Variants in FRS3 observed in about 807,000 individuals in gnomAD.
FRS3 encodes fibroblast growth factor receptor substrate 3, also known as FGFR substrate 3.
A neutral mutation model predicts 41.9 loss-of-function variants in FRS3; 17 were observed. The observed-to-expected ratio is 0.41, with a 90% confidence interval of 0.28 to 0.61. The LOEUF (loss-of-function observed/expected upper bound fraction) is 0.61, where lower values mean the gene tolerates loss of function less well. FRS3 is among the 20% of genes least tolerant of loss of function. FRS3 has a pLI of 0.36. For synonymous variants in FRS3, 287 were observed against 274.5 expected, an observed-to-expected ratio of 1.05 and a Z score of -0.45; for missense variants, 619 against 672.1, an observed-to-expected ratio of 0.92 and a Z score of 0.87.
At chr6:41,774,686 G>A (rs1353210503) in intron 4 of FRS3, among the ~76,000 whole-genome samples, 3 of 152,168 alleles carry the variant, frequency 2.0e-5, no homozygotes, top group Admixed American at 6.5e-5. Flanking sequence ...GTAACAGGGG[G>A]ACCTGGGACC....
intron 5 of FRS3, 53 bp downstream of exon 5, chr6:41,772,745 C>CGTGTGGGTGT: frequency 2.6e-6 from 3 of 1,162,766 alleles, no homozygotes; most frequent in Non-Finnish European, 3.6e-6. Flanking sequence ...GCTTCCTGGG[C>CGTGTGGGTGT]GTGTGTGTGT....
Position 41,771,535 on chromosome 6 carries a change from TG to T in FRS3, c.565-3del. On this transcript the variant is annotated splice_polypyrimidine_tract_variant and splice_region_variant and intron_variant, in intron 6 of 6. Transcript: ENST00000373018. ...CGGTGTGTTGACATAGGTGTGGGAC[TG>T]GGGAAAGAGTCCAAGTGAGGCAGGA... 2 of 1,524,212 alleles carry T rather than the reference TG, an allele frequency of 1.3e-6. No homozygotes were observed. The highest frequency in any genetic ancestry group is 1.8e-6 in the Non-Finnish European group (2 of 1,139,884). 94.4% of individuals were successfully genotyped at this position (1,524,212 alleles called of 1,614,324 possible). A position where few individuals can be genotyped will look rare whatever the true frequency, so the allele number is the denominator to read the frequency against.
chr6:41,774,884 G>A (rs1238809593), intron 4 of FRS3, among the ~76,000 whole-genome samples: 1 of 152,162 alleles, frequency 6.6e-6, no homozygotes, highest in African/African-American at 2.4e-5. Flanking sequence ...AGAGAACCCC[G>A]TGTTGGGGCC....
intron 4 of FRS3, among the ~76,000 whole-genome samples, chr6:41,773,714 T>A (rs1045231438): frequency 6.6e-6 from 1 of 150,666 alleles, no homozygotes; most frequent in African/African-American, 2.4e-5. Context: ...CTACTAAAAA[T>A]ACAAAAAATT....
intron 4 of FRS3, among the ~76,000 whole-genome samples, chr6:41,774,257 G>C (rs559106914): frequency 6.6e-6 from 1 of 151,944 alleles, no homozygotes; most frequent in East Asian, 1.9e-4. Flanking sequence ...CCAGGTGAGC[G>C]AACACTCTAC....
intron 3 of FRS3, among the ~76,000 whole-genome samples, chr6:41,776,154 A>G (rs1772405785): frequency 6.6e-6 from 1 of 152,212 alleles, no homozygotes; most frequent in Non-Finnish European, 1.5e-5. Context: ...CTCTACAGAG[A>G]GGTGGGCAGG....
chr6:41,777,565 G>A (rs1054035203), intron 2 of FRS3: 2 of 152,584 alleles, frequency 1.3e-5, no homozygotes, highest in African/African-American at 4.8e-5. Flanking sequence ...TCTTTCTGAT[G>A]TCCTCTTCAA....
intron 5 of FRS3, 145 bp from the exon 6 acceptor site, chr6:41,772,109 C>T (rs1358117453): frequency 3.2e-6 from 2 of 626,600 alleles, no homozygotes; most frequent in East Asian, 5.9e-5. Flanking sequence ...CACTGAGCCA[C>T]CAGCCCCCCA....
At chr6:41,777,752 C>G (rs1355086941) in intron 2 of FRS3, 1 of 152,104 alleles carries the variant, frequency 6.6e-6, no homozygotes, top group Non-Finnish European at 1.5e-5. Flanking sequence ...CTCCAGGATT[C>G]CAGTACTTGG....
Position 41,772,860 on chromosome 6 carries a change from A to G in FRS3, c.353T>C (p.Ile118Thr), listed in dbSNP as rs780434483. ...AGCGGGGTGGCTATTGCGGGTGATG[A>G]TGACAGGCTCTTCCATCACATTGAT... Reference protein sequence around the residue: ...NSINVMEEPVIITRNSHPAEL... With the variant: ...NSINVMEEPVTITRNSHPAEL... The change falls in exon 5 of 7, where the codon ATC (isoleucine) becomes ACC (threonine). Residue 118 changes from isoleucine to threonine, a missense_variant. By Grantham distance (89) the Ile-to-Thr change is moderately conservative. Around this residue, in one of 3 missense-constraint regions of FRS3, gnomAD observed 487 missense variants for 478.3 expected, o/e 1.02. Transcript: ENST00000373018. 1.2e-6 allele frequency: 2 copies of G among 1,613,406 alleles called. No homozygotes were observed. The highest frequency in any genetic ancestry group is 2.2e-5 in the South Asian group (2 of 91,056).
intron 6 of FRS3, 23 bp from the exon 7 acceptor site, chr6:41,771,556 G>T: frequency 6.7e-7 from 1 of 1,501,512 alleles, no homozygotes; most frequent in Non-Finnish European, 8.9e-7. Context: ...TCCAAGTGAG[G>T]CAGGAGTGTC....
In FRS3 at chr6:41,770,744, A is replaced by C. The variant is rs113801307; in HGVS notation, c.1354T>G (p.Ser452Ala). The C allele has an allele frequency of 3.7e-6, 6 of 1,601,096 alleles. No homozygotes were observed. The African/African-American group carries it at 4.2e-5, about 11-fold the overall frequency. The change falls in exon 7 of 7, where the codon TCA becomes GCA. Residue 452 changes from serine (S) to alanine (A), a missense_variant. By Grantham distance (99) the Ser-to-Ala change is moderately conservative. Transcript: ENST00000373018. The stretch of plus-strand genomic sequence containing the variant: ...AGGTCAATCACGGCGTAGGAGTCTG[A>C]GCTTCGGGCAGGGTGGGTGGTGGGC... Reference protein sequence around the residue: ...PMPTTHPARSSDSYAVIDLKK... With the variant: ...PMPTTHPARSADSYAVIDLKK...
rs1332054311 is a variant in FRS3 at position 41,770,569 on chromosome 6, G to A, written c.*50C>T. On this transcript the variant is annotated 3_prime_UTR_variant, in exon 7 of 7. Coordinates refer to ENST00000373018, the MANE Select transcript of FRS3 (RefSeq NM_006653.5). ...TGGGTTCAGAGGACAGGAGTGTGAG[G>A]CAGAGGCTGGATCATGGTGGGGCAG... The A allele has an allele frequency of 1.3e-6, 2 of 1,577,720 alleles. No individual in the cohort carries two copies. The highest frequency in any genetic ancestry group is 2.7e-5 in the African/African-American group (2 of 74,348).
In FRS3 at chr6:41,772,826, G is replaced by C. The variant is rs1348254918; in HGVS notation, c.387C>G (p.Asp129Glu). 1 of 1,611,960 alleles carries C rather than the reference G, an allele frequency of 6.2e-7. No homozygotes were observed. The highest frequency in any genetic ancestry group is 1.3e-5 in the African/African-American group (1 of 74,648). ...ITRNSHPAEL[D>E]LPRAPQPPNA... The stretch of plus-strand genomic sequence containing the variant: ...TGGGTGGCTGGGGGGCTCGAGGGAG[G>C]TCAAGCTCAGCGGGGTGGCTATTGC... The change falls in exon 5 of 7, where the codon GAC (aspartate) becomes GAG (glutamate). Residue 129 changes from aspartate to glutamate, a missense_variant. Asp to Glu is a conservative substitution (Grantham distance 45, BLOSUM62 2). Around this residue, in one of 3 missense-constraint regions of FRS3, gnomAD observed 487 missense variants for 478.3 expected, o/e 1.02. Transcript: ENST00000373018.
In FRS3 at chr6:41,771,898, G is replaced by T. The variant is rs1476181243; in HGVS notation, c.482C>A (p.Pro161His). Residue 161 changes from proline (P) to histidine (H), a missense_variant, in exon 6 of 7, where the codon CCC becomes CAC. By Grantham distance (77) the Pro-to-His change is moderately conservative. Transcript: ENST00000373018. ...CPGEGPRFSAPRRLSTSSLRH... is the reference protein window; with the variant it reads ...CPGEGPRFSAHRRLSTSSLRH... ...CAGGCTGCTTGTCGAGAGCCGCCGG[G>T]GAGCTGAGAATCGTGGGCCCTCTCC... 2.6e-6 allele frequency: 4 copies of T among 1,556,438 alleles called. No homozygotes were observed. In the Admixed American group the frequency reaches 7.8e-5, roughly 30 times the overall value.
At chr6:41,777,879 T>G (rs1240942134) in intron 2 of FRS3, 154 bp downstream of exon 2, 1 of 152,280 alleles carries the variant, frequency 6.6e-6, no homozygotes, top group African/African-American at 2.4e-5. Context: ...TTTTAAGGGG[T>G]TGCAACTTGT....
In FRS3 at chr6:41,770,727, C is replaced by G; in HGVS notation, c.1371G>C (p.Val457=). The change falls in exon 7 of 7, where the codon GTG becomes GTC. Residue 457 remains valine, a synonymous_variant. Coordinates refer to ENST00000373018, the MANE Select transcript of FRS3 (RefSeq NM_006653.5). ...TGGCCACGGTCTTTTTGAGGTCAAT[C>G]ACGGCGTAGGAGTCTGAGCTTCGGG... ...HPARSSDSYA[V]IDLKKTVAMS... 1.9e-6 allele frequency: 3 copies of G among 1,613,812 alleles called. No homozygotes were observed. Among genetic ancestry groups the G allele is most frequent in the Non-Finnish European group, 2.5e-6 (3 of 1,179,976 alleles).
intron 6 of FRS3, 130 bp downstream of exon 6, chr6:41,771,686 G>A: frequency 8.4e-7 from 1 of 1,192,006 alleles, no homozygotes; most frequent in South Asian, 1.5e-5. Context: ...GCTCCCTTTT[G>A]GGGACAGGAA....
At position 41,776,166 on chromosome 6, in the gene FRS3, G is replaced by C. The variant is rs185159998; in HGVS notation, c.67-561C>G. 3.9e-5 allele frequency among the ~76,000 whole-genome samples: 6 copies of C among 152,346 alleles called. No individual in the cohort carries two copies. The East Asian group carries it at 1.2e-3, about 29-fold the overall frequency. The stretch of plus-strand genomic sequence containing the variant: ...TCCCTCTACAGAGAGGTGGGCAGGG[G>C]AGAGCACAGGTCGACTTGGGTCTGC... On this transcript the variant is annotated intron_variant, in intron 3 of 6. Coordinates refer to ENST00000373018, the MANE Select transcript of FRS3 (RefSeq NM_006653.5).
Sources: gnomAD v4.1 joint callset for allele counts (sites outside exome capture counted in the v4.1 genomes callset) on GRCh38, gnomAD v4.1.1 for gene constraint, gnomAD v4.1.1 regional missense constraint, MANE v1.5 for transcripts, NCBI Gene and HGNC (gene_info 2026-07-23, HGNC 2026-07-21) for gene names.